The following SKIC3 variants were observed in gnomAD, a reference collection of about 807,000 sequenced individuals.
The protein encoded by SKIC3 is superkiller complex protein 3.
chr5:95,493,223 T>C, the SKIC3 span, among the ~76,000 whole-genome samples: 12 of 152,214 alleles, frequency 7.9e-5, no homozygotes, highest in East Asian at 1.9e-4. Flanking sequence ...TTCATTTTCA[T>C]TGGACTCTAA....
At chr5:95,554,216 C>CA in the SKIC3 span, among the ~76,000 whole-genome samples, 94 of 149,522 alleles carry the variant, frequency 6.3e-4, no homozygotes, top group African/African-American at 9.8e-4. Context: ...TTATCTTAGG[C>CA]AAAAAAAAAC....
the SKIC3 span, chr5:95,529,972 T>C: frequency 2.3e-4 from 284 of 1,253,426 alleles, no homozygotes; most frequent in Non-Finnish European, 3.1e-4. Context: ...GGTATGCAGG[T>C]ACATTTTTTC....
chr5:95,543,281 A>G, the SKIC3 span: 31 of 1,614,020 alleles, frequency 1.9e-5, no homozygotes, highest in African/African-American at 1.1e-4. Flanking sequence ...AGCAACGCCA[A>G]TAAAAACCCA....
the SKIC3 span, among the ~76,000 whole-genome samples, chr5:95,544,225 C>T: frequency 6.6e-6 from 1 of 152,166 alleles, no homozygotes; most frequent in Non-Finnish European, 1.5e-5. Context: ...AAAAGGCACT[C>T]AGGCCTCATA....
chr5:95,530,255 G>C, the SKIC3 span: 2 of 1,611,354 alleles, frequency 1.2e-6, no homozygotes, highest in Non-Finnish European at 1.7e-6. Flanking sequence ...AAGGTTATTA[G>C]TATACATATA....
the SKIC3 span, among the ~76,000 whole-genome samples, chr5:95,496,015 T>C: frequency 1.7e-4 from 26 of 150,968 alleles, no homozygotes; most frequent in Non-Finnish European, 5.9e-5. Context: ...TAACAATTTC[T>C]TTCTTTTTTT....
the SKIC3 span, among the ~76,000 whole-genome samples, chr5:95,473,622 ATGGTGTTTCAGTG>A: frequency 6.6e-6 from 1 of 152,154 alleles, no homozygotes; most frequent in Non-Finnish European, 1.5e-5. Flanking sequence ...CTGGTGTGAA[ATGGTGTTTCAGTG>A]TGGTTTTTAT....
the SKIC3 span, among the ~76,000 whole-genome samples, chr5:95,489,530 A>G: frequency 6.6e-6 from 1 of 151,812 alleles, no homozygotes; most frequent in Non-Finnish European, 1.5e-5. Context: ...TAAAAAAAAA[A>G]AAAAAAAGTA....
At chr5:95,524,288 T>A in the SKIC3 span, among the ~76,000 whole-genome samples, 2 of 152,210 alleles carry the variant, frequency 1.3e-5, no homozygotes, top group East Asian at 3.8e-4. Flanking sequence ...CTTTCACATT[T>A]TATGTTTTAA....
At chr5:95,521,830 A>C in the SKIC3 span, among the ~76,000 whole-genome samples, 7 of 152,102 alleles carry the variant, frequency 4.6e-5, no homozygotes, top group Non-Finnish European at 4.4e-5. Flanking sequence ...GTTTGTCTAA[A>C]AGTTAAATCT....
chr5:95,545,902 T>C, the SKIC3 span, among the ~76,000 whole-genome samples: 1 of 152,126 alleles, frequency 6.6e-6, no homozygotes, highest in Non-Finnish European at 1.5e-5. Context: ...TACTCACCCA[T>C]CCAAAATCTG....
the SKIC3 span, among the ~76,000 whole-genome samples, chr5:95,501,072 T>C: frequency 5.9e-5 from 9 of 152,200 alleles, no homozygotes; most frequent in African/African-American, 1.9e-4. Flanking sequence ...CAGTGTCATG[T>C]CTAGCAAATA....
chr5:95,554,206 T>C, the SKIC3 span, among the ~76,000 whole-genome samples: 2 of 152,148 alleles, frequency 1.3e-5, no homozygotes, highest in African/African-American at 4.8e-5. Flanking sequence ...CTTACTACAA[T>C]TATCTTAGGC....
At chr5:95,550,374 T>TA in the SKIC3 span, among the ~76,000 whole-genome samples, 1 of 149,800 alleles carries the variant, frequency 6.7e-6, no homozygotes, top group Non-Finnish European at 1.5e-5. Flanking sequence ...ATAGTAATGA[T>TA]AATGACAACG....
the SKIC3 span, chr5:95,524,611 T>C: frequency 6.2e-7 from 1 of 1,612,330 alleles, no homozygotes; most frequent in Non-Finnish European, 8.5e-7. Flanking sequence ...CAAAGGGTAA[T>C]AAAAAGAAAT....
At chr5:95,520,945 T>C in the SKIC3 span, 2 of 699,608 alleles carry the variant, frequency 2.9e-6, no homozygotes, top group African/African-American at 1.8e-5. Context: ...CGGTGTGTTA[T>C]AAAATTATCT....
chr5:95,494,352 T>C, the SKIC3 span, among the ~76,000 whole-genome samples: 24 of 152,254 alleles, frequency 1.6e-4, no homozygotes, highest in African/African-American at 5.3e-4. Context: ...CTCCTATAAA[T>C]CACAAATAAA....
At chr5:95,494,760 C>T in the SKIC3 span, 4 of 1,613,512 alleles carry the variant, frequency 2.5e-6, no homozygotes, top group African/African-American at 2.7e-5. Context: ...CTTCCCATAG[C>T]CAACTGATTT....
the SKIC3 span, among the ~76,000 whole-genome samples, chr5:95,550,989 C>A: frequency 6.6e-6 from 1 of 152,180 alleles, no homozygotes; most frequent in Non-Finnish European, 1.5e-5. Context: ...TCTACTATTT[C>A]TGTGCCATTT....
Sources: gnomAD v4.1 joint callset for allele counts (sites outside exome capture counted in the v4.1 genomes callset) on GRCh38, gnomAD v4.1.1 for gene constraint, MANE v1.5 for transcripts, NCBI Gene and HGNC (gene_info 2026-07-23, HGNC 2026-07-21) for gene names.